SYT2: variants seen among roughly 807,000 people sequenced by gnomAD.
SYT2 encodes the protein synaptotagmin-2.
A neutral mutation model predicts 39.9 loss-of-function variants in SYT2; 15 were observed. The ratio of observed to expected loss-of-function variants is 0.38; its 90% confidence interval spans 0.25 to 0.58. The LOEUF (loss-of-function observed/expected upper bound fraction) is 0.58. Among genes scored for constraint, SYT2 ranks in the 20% least tolerant of loss-of-function variants. The probability of loss-of-function intolerance (pLI) is 0.70; values close to 1 mark genes in which losing one functional copy is unlikely to be tolerated. For missense variants in SYT2, 389 were observed against 530.3 expected (o/e 0.73, Z 2.62); for synonymous variants, 181 against 204.5 (o/e 0.89, Z 0.98).
chr1:202,674,611 G>A (rs1488456140), intron 1 of SYT2, among the ~76,000 whole-genome samples: 1 of 152,154 alleles, frequency 6.6e-6, no homozygotes, highest in Non-Finnish European at 1.5e-5. Context: ...TAACTGATGG[G>A]AGTATGATCT....
chr1:202,707,567 C>T (rs1654284157), intron 1 of SYT2, among the ~76,000 whole-genome samples: 1 of 152,172 alleles, frequency 6.6e-6, no homozygotes, highest in Non-Finnish European at 1.5e-5. Context: ...CTTAAGTCCT[C>T]CACGAGGATG....
chr1:202,669,757 CAAAA>C (rs796796757), intron 1 of SYT2, among the ~76,000 whole-genome samples: 4 of 84,110 alleles, frequency 4.8e-5, no homozygotes, highest in African/African-American at 8.5e-5. Context: ...GACCCTGTCT[CAAAA>C]AAAAAAAAAA....
chr1:202,643,817 C>A (rs1692005922), intron 1 of SYT2, among the ~76,000 whole-genome samples: 2 of 152,120 alleles, frequency 1.3e-5, no homozygotes, highest in East Asian at 1.9e-4. Flanking sequence ...TACGGGACTC[C>A]CCCGATTCTG....
rs367648346 is a variant in SYT2 at position 202,617,915 on chromosome 1, T to C, written c.-17-12126A>G. 9.5e-4 allele frequency among the ~76,000 whole-genome samples: 144 copies of C among 152,272 alleles called. 2 individuals are homozygous for C. In the South Asian group the frequency reaches 0.015, roughly 15 times the overall value. On this transcript the variant is annotated intron_variant, in intron 1 of 8. Transcript: ENST00000367268. The stretch of plus-strand genomic sequence containing the variant: ...CTTGTTTACGCATTTTTTGTTGTTG[T>C]TGTTGTTGAGATGGAGTCTCGCTGT...
At chr1:202,654,646 G>A (rs1030048262) in intron 1 of SYT2, among the ~76,000 whole-genome samples, 4 of 152,116 alleles carry the variant, frequency 2.6e-5, no homozygotes, top group Non-Finnish European at 4.4e-5. Context: ...CCCTGCCCCC[G>A]CCCAACACAC....
chr1:202,638,301 G>A (rs1176582135), intron 1 of SYT2, among the ~76,000 whole-genome samples: 3 of 151,962 alleles, frequency 2.0e-5, no homozygotes, highest in Non-Finnish European at 4.4e-5. Flanking sequence ...AGCAGCATGT[G>A]GTGAAGAAAA....
At chr1:202,646,565 G>T (rs1400880304) in intron 1 of SYT2, among the ~76,000 whole-genome samples, 1 of 152,222 alleles carries the variant, frequency 6.6e-6, no homozygotes, top group African/African-American at 2.4e-5. Flanking sequence ...TCCTCATGCT[G>T]CCTCTGTATG....
intron 1 of SYT2, among the ~76,000 whole-genome samples, chr1:202,684,802 C>A (rs1360466013): frequency 6.6e-6 from 1 of 152,226 alleles, no homozygotes; most frequent in Non-Finnish European, 1.5e-5. Flanking sequence ...TCTGTCCCCA[C>A]AGGCCATGAT....
At chr1:202,677,310 A>G (rs1263083363) in intron 1 of SYT2, among the ~76,000 whole-genome samples, 1 of 152,126 alleles carries the variant, frequency 6.6e-6, no homozygotes, top group Non-Finnish European at 1.5e-5. Flanking sequence ...CCTCTCCTTG[A>G]AATTGATGGA....
In SYT2 at chr1:202,710,382, C is replaced by T. The variant is rs1273721849; in HGVS notation, c.-142G>A. On this transcript the variant is annotated 5_prime_UTR_variant, in exon 1 of 9. Transcript: ENST00000367268. ...GCCCGTTCCCCTGGGGGCGCGAAGT[C>T]CCCGCTCCACCGCTGCCCCAACTCG... 1 of 152,356 alleles carries T rather than the reference C, an allele frequency of 6.6e-6. No homozygotes were observed. Among genetic ancestry groups the T allele is most frequent in the African/African-American group, 2.4e-5 (1 of 41,476 alleles). The allele number at this position is 152,356 out of a possible 1,614,324, so 9.4% of individuals were successfully genotyped here. A position where few individuals can be genotyped will look rare whatever the true frequency, so the allele number is the denominator to read the frequency against.
intron 1 of SYT2, among the ~76,000 whole-genome samples, chr1:202,637,663 T>C (rs555568959): frequency 1.3e-3 from 193 of 152,356 alleles, no homozygotes; most frequent in Middle Eastern, 0.01. Context: ...TGCCGGCTGC[T>C]CATAGGTGCT....
chr1:202,692,451 C>T (rs529159491), intron 1 of SYT2, among the ~76,000 whole-genome samples: 2 of 152,298 alleles, frequency 1.3e-5, no homozygotes, highest in East Asian at 1.9e-4. Flanking sequence ...AGATGCAAGG[C>T]GCTGACTTTG....
chr1:202,708,603 T>C (rs1210229941), intron 1 of SYT2, among the ~76,000 whole-genome samples: 1 of 151,930 alleles, frequency 6.6e-6, no homozygotes, highest in Non-Finnish European at 1.5e-5. Context: ...AGGAGATGGG[T>C]TGGAGTTGGA....
chr1:202,621,035 C>A (rs1354099576), intron 1 of SYT2, among the ~76,000 whole-genome samples: 1 of 152,100 alleles, frequency 6.6e-6, no homozygotes, highest in Admixed American at 6.6e-5. Context: ...TATATGTATG[C>A]TTGTATGCTT....
intron 1 of SYT2, among the ~76,000 whole-genome samples, chr1:202,678,807 T>C (rs899706909): frequency 1.4e-4 from 21 of 152,272 alleles, no homozygotes; most frequent in East Asian, 1.3e-3. Flanking sequence ...GACCTCCAGC[T>C]ACCCACATGC....
intron 1 of SYT2, chr1:202,627,524 C>T (rs1691450755): frequency 8.1e-6 from 8 of 985,066 alleles, no homozygotes; most frequent in South Asian, 4.7e-5. Context: ...GACGGGCAGG[C>T]GCACTGCCTT....
chr1:202,599,490 G>A lies in SYT2; in HGVS notation c.920-139C>T. 2 of 1,000,642 alleles carry A rather than the reference G, an allele frequency of 2.0e-6. No homozygotes were observed. Among genetic ancestry groups the A allele is most frequent in the Non-Finnish European group, 2.8e-6 (2 of 703,802 alleles). 62.0% of individuals were successfully genotyped at this position (1,000,642 alleles called of 1,614,324 possible). ...AGACCAGGCCCTCAGAAAGCCCCAA[G>A]TCATGCCATCCAGTTCAAAGGTGGC... On this transcript the variant is annotated intron_variant, in intron 7 of 8. Coordinates refer to ENST00000367268, the MANE Select transcript of SYT2 (RefSeq NM_177402.5). This position sits in a 1 kb window ranked among gnomAD's most constrained non-coding sequence, Gnocchi z 4.4.
chr1:202,626,398 C>CT (rs58802666), intron 1 of SYT2, among the ~76,000 whole-genome samples: 11,675 of 72,234 alleles, frequency 0.16, 3,683 homozygotes, highest in East Asian at 0.26. Context: ...AGCCTCTCAG[C>CT]TTTTTTTTTT....
rs747521997 is a variant in SYT2, at chr1:202,623,786, C to T, written c.-17-17997G>A. Among the ~76,000 whole-genome samples, 14 of 152,166 alleles carry T rather than the reference C, an allele frequency of 9.2e-5. No individual in the cohort carries two copies. Among genetic ancestry groups the T allele is most frequent in the South Asian group, 2.1e-4 (1 of 4,816 alleles). ...GAGAGGCACTGCTTTCTGCAGAGTG[C>T]GTGGGCAACTGCCAGCTGGGGGAGC... On this transcript the variant is annotated intron_variant, in intron 1 of 8. Transcript: ENST00000367268. This position sits in a 1 kb window ranked among gnomAD's most constrained non-coding sequence, Gnocchi z 4.2.
Sources: allele counts gnomAD v4.1 joint callset (sites outside exome capture counted in the v4.1 genomes callset), GRCh38; gene constraint gnomAD v4.1.1; non-coding constraint Gnocchi (gnomAD v3.1); transcripts MANE v1.5; gene names NCBI Gene and HGNC (gene_info 2026-07-23, HGNC 2026-07-21).